Variants in TTC1 observed in about 807,000 individuals in gnomAD.
TTC1 encodes the protein tetratricopeptide repeat protein 1.
Under a neutral mutation model 37.6 loss-of-function variants are expected in TTC1, and 31 were observed. The ratio of observed to expected loss-of-function variants is 0.82; its 90% CI spans 0.62 to 1.11. The LOEUF is 1.11. Ranked by LOEUF, TTC1 falls within the 50% of genes most tolerant of loss-of-function variation. TTC1 has a pLI of 0.00. For synonymous variants in TTC1, 127 were observed against 122.4 expected, an observed-to-expected ratio of 1.04 and a Z score of -0.25; for missense variants, 351 against 339.0, an observed-to-expected ratio of 1.04 and a Z score of -0.28.
chr5:160,063,313 C>T (rs1035762690), intron 7 of TTC1, among the ~76,000 whole-genome samples: 3 of 152,102 alleles, frequency 2.0e-5, no homozygotes, highest in Non-Finnish European at 4.4e-5. Flanking sequence ...ACTCCTTGGG[C>T]TCAAGCAATC....
intron 2 of TTC1, among the ~76,000 whole-genome samples, chr5:160,013,604 G>C (rs147108014): frequency 6.6e-6 from 1 of 151,864 alleles, no homozygotes; most frequent in African/African-American, 2.4e-5. Context: ...TTAACTGGAC[G>C]TGGTGGTGTG....
chr5:160,021,159 C>T (rs534332549), intron 2 of TTC1, among the ~76,000 whole-genome samples: 1 of 152,212 alleles, frequency 6.6e-6, no homozygotes, highest in South Asian at 2.1e-4. Context: ...CCATGCACAG[C>T]CTGAGAAGTG....
chr5:160,046,495 T>C lies in TTC1; in HGVS notation c.542-3019T>C, dbSNP rs964090896. On this transcript the variant is annotated intron_variant, in intron 5 of 7. Coordinates refer to ENST00000231238, the MANE Select transcript of TTC1 (RefSeq NM_003314.3). ...AGCGTGGGACCCTCTTCTTTTTTTT[T>C]CCCCTCTGTATTTTCTCCCTAAGTG... Among the ~76,000 whole-genome samples, 35 of 152,188 alleles carry C rather than the reference T, an allele frequency of 2.3e-4. 1 individual carries two copies. Among genetic ancestry groups the C allele is most frequent in the East Asian group, 1.3e-3 (7 of 5,202 alleles).
chr5:160,040,239 G>GATACATAAACACACACACATATGT (rs1757063687), intron 4 of TTC1, among the ~76,000 whole-genome samples: 1 of 151,894 alleles, frequency 6.6e-6, no homozygotes, highest in African/African-American at 2.4e-5. Context: ...TATATATATA[G>GATACATAAACACACACACATATGT]ATACATAAAC....
Position 160,023,978 on chromosome 5 carries a change from C to G in TTC1, c.331-11162C>G, listed in dbSNP as rs1581096764. 26 of 1,550,410 alleles carry G rather than the reference C, an allele frequency of 1.7e-5. No homozygotes were observed. In the East Asian group the frequency reaches 5.8e-4, roughly 35 times the overall value. ...AGGTATCAGAGAGTATTTGGTCCCA[C>G]CTGGTTGCATGAAACAATCTTTTGC... is the stretch of plus-strand genomic sequence containing the variant. On this transcript the variant is annotated intron_variant, in intron 2 of 7. Coordinates refer to ENST00000231238, the MANE Select transcript of TTC1 (RefSeq NM_003314.3).
intron 2 of TTC1, 151 bp downstream of exon 2, chr5:160,011,009 T>C: frequency 1.3e-6 from 1 of 752,298 alleles, no homozygotes; most frequent in Non-Finnish European, 2.1e-6. Context: ...CTGAGATAAA[T>C]CGGTGGCGTG....
intron 6 of TTC1, 74 bp downstream of exon 6, chr5:160,049,736 T>C (rs1192352390): frequency 8.2e-7 from 1 of 1,219,014 alleles, no homozygotes; most frequent in African/African-American, 1.6e-5. Flanking sequence ...TAAATAATCC[T>C]TTCAGACACA....
At chr5:160,050,627 C>CTTT (rs546426067) in intron 6 of TTC1, among the ~76,000 whole-genome samples, 4 of 109,336 alleles carry the variant, frequency 3.7e-5, no homozygotes, top group Non-Finnish European at 7.4e-5. Context: ...CCAAACAAAA[C>CTTT]TTTTTTTTTT....
At chr5:160,027,596 G>A (rs549973836) in intron 2 of TTC1, among the ~76,000 whole-genome samples, 2 of 152,244 alleles carry the variant, frequency 1.3e-5, no homozygotes, top group South Asian at 2.1e-4. Context: ...CTGTGGTTTT[G>A]AGTGACCATC....
chr5:160,038,278 A>G (rs1757029788), intron 4 of TTC1, among the ~76,000 whole-genome samples: 5 of 152,248 alleles, frequency 3.3e-5, no homozygotes, highest in Admixed American at 3.3e-4. Context: ...AGCAATCAGA[A>G]TTAACATCTA....
intron 2 of TTC1, among the ~76,000 whole-genome samples, chr5:160,021,939 G>C (rs1756717041): frequency 6.6e-6 from 1 of 152,082 alleles, no homozygotes; most frequent in Non-Finnish European, 1.5e-5. Flanking sequence ...TGATCTCTGG[G>C]TACTGTGATC....
At chr5:160,037,091 G>T (rs1236668330) in intron 4 of TTC1, among the ~76,000 whole-genome samples, 2 of 152,156 alleles carry the variant, frequency 1.3e-5, no homozygotes, top group African/African-American at 2.4e-5. Flanking sequence ...GCCAAGCAGT[G>T]CATGTCCTAG....
At chr5:160,018,328 A>T (rs1756642073) in intron 2 of TTC1, among the ~76,000 whole-genome samples, 1 of 152,142 alleles carries the variant, frequency 6.6e-6, no homozygotes, top group Admixed American at 6.5e-5. Context: ...TGTTATAGCA[A>T]CCTGACTAAG....
intron 7 of TTC1, among the ~76,000 whole-genome samples, chr5:160,052,233 C>T (rs1326559070): frequency 6.6e-6 from 1 of 152,138 alleles, no homozygotes; most frequent in African/African-American, 2.4e-5. Context: ...CTTGGCCAGG[C>T]ACGGTGGCTC....
intron 5 of TTC1, among the ~76,000 whole-genome samples, chr5:160,046,087 C>A (rs11749533): frequency 0.09 from 13,735 of 152,204 alleles, 761 homozygotes; most frequent in Admixed American, 0.18. Flanking sequence ...CCAATATTCT[C>A]CTTCAATTGC....
chr5:160,024,810 G>T (rs1307546397), intron 2 of TTC1, among the ~76,000 whole-genome samples: 1 of 151,982 alleles, frequency 6.6e-6, no homozygotes, highest in Non-Finnish European at 1.5e-5. Context: ...TTGATTCAGT[G>T]AGGAAGAGGT....
chr5:160,024,158 A>G, intron 2 of TTC1: 2 of 577,744 alleles, frequency 3.5e-6, no homozygotes, highest in South Asian at 5.1e-5. Context: ...AGTATGTTGA[A>G]AAACTCTCAT....
chr5:160,048,642 T>C (rs1365230577), intron 5 of TTC1, among the ~76,000 whole-genome samples: 1 of 152,192 alleles, frequency 6.6e-6, no homozygotes, highest in African/African-American at 2.4e-5. Flanking sequence ...AGTGAGGATT[T>C]AACTAGAAAT....
intron 2 of TTC1, among the ~76,000 whole-genome samples, chr5:160,023,233 G>T (rs1450890009): frequency 6.8e-6 from 1 of 147,386 alleles, no homozygotes; most frequent in Non-Finnish European, 1.5e-5. Context: ...TCCAGCCTGG[G>T]CAACAGAACA....
Sources: allele counts gnomAD v4.1 joint callset (sites outside exome capture counted in the v4.1 genomes callset), GRCh38; gene constraint gnomAD v4.1.1; transcripts MANE v1.5; gene names NCBI Gene and HGNC (gene_info 2026-07-23, HGNC 2026-07-21).